Variants in BRI3 observed in about 807,000 individuals in gnomAD.
BRI3 encodes brain protein I3, also known as membrane protein BRI3.
In BRI3, 6 loss-of-function variants were observed where a neutral mutation model predicts 12.8. That is an observed-to-expected ratio of 0.47 (90% confidence interval 0.26 to 0.93). The LOEUF is 0.93. Ranked by LOEUF, BRI3 falls within the 40% of genes least tolerant of loss-of-function variation. BRI3 has a pLI of 0.15. For synonymous variants in BRI3, 91 were observed against 76.1 expected (o/e 1.20, Z -1.02); for missense variants, 134 against 171.1 (o/e 0.78, Z 1.21).
chr7:98,293,557 A>C (rs1218702529), downstream of BRI3: 2 of 1,613,776 alleles, frequency 1.2e-6, no homozygotes, highest in Non-Finnish European at 1.7e-6. Context: ...CATTCGTCAC[A>C]GTCGGGCGGA....
rs1009699057 is a variant in BRI3, at chr7:98,284,573, T to C, written c.245+2120T>C. On this transcript the variant is annotated intron_variant, in intron 2 of 2. Transcript: ENST00000297290. ...CCCGGGAGACAGGATACCACTCACA[T>C]GACCACACTTCCTCCTGCCCCAGGT... 7.2e-5 allele frequency among the ~76,000 whole-genome samples: 11 copies of C among 152,192 alleles called. No homozygotes were observed. The East Asian group carries it at 1.2e-3, about 16-fold the overall frequency.
At chr7:98,308,649 G>A (rs1800754576) in exon 2 of BRI3, 2 of 220,776 alleles carry the variant, frequency 9.1e-6, no homozygotes. Flanking sequence ...CCACTCCAGG[G>A]GAAAAAAGGT....
At chr7:98,291,583 C>A (rs2116754602), downstream of BRI3, 1 of 1,047,080 alleles carries the variant, frequency 9.6e-7, no homozygotes, top group Non-Finnish European at 1.2e-6. Context: ...TGGAACGACA[C>A]CCCCATCGCT....
the BRI3 span, among the ~76,000 whole-genome samples, chr7:98,319,365 C>T: frequency 7.2e-5 from 11 of 152,142 alleles, 1 homozygote; most frequent in South Asian, 4.1e-4. Flanking sequence ...CAGGGCACAC[C>T]GGGAGCCCCG....
At chr7:98,293,417 C>A, downstream of BRI3, 8 of 1,059,708 alleles carry the variant, frequency 7.5e-6, no homozygotes, top group Non-Finnish European at 1.2e-5. Flanking sequence ...AGAGTTAGGC[C>A]TCTCCACTGA....
rs77995324 is a variant in BRI3 at position 98,308,182 on chromosome 7, T to A, written n.812T>A. The A allele has an allele frequency of 8.8e-3, 5,096 of 579,586 alleles. 200 individuals carry two copies. Among genetic ancestry groups the A allele is most frequent in the African/African-American group, 0.084 (4,594 of 54,438 alleles). The allele number at this position is 579,586 out of a possible 1,614,324, so 35.9% of individuals were successfully genotyped here. On this transcript the variant is annotated non_coding_transcript_exon_variant, in exon 2 of 2. Coordinates refer to the BRI3 transcript ENST00000485422. ...CAAGGACAAGGCGGTGTGTGCCGGG[T>A]TGATCTGCACTGCTTTAGCCAGGAT...
downstream of BRI3, chr7:98,292,629 C>T (rs181990452): frequency 8.0e-3 from 12,463 of 1,551,578 alleles, 105 homozygotes; most frequent in South Asian, 0.023. Context: ...AAAAACCCGC[C>T]CTTCTCCAGG....
chr7:98,283,597 G>A (rs1273714049), intron 2 of BRI3, among the ~76,000 whole-genome samples: 1 of 152,166 alleles, frequency 6.6e-6, no homozygotes, highest in Non-Finnish European at 1.5e-5. Flanking sequence ...GAGCTGCACC[G>A]GGTTGGGGGG....
At chr7:98,321,656 A>T in the BRI3 span, among the ~76,000 whole-genome samples, 1 of 152,208 alleles carries the variant, frequency 6.6e-6, no homozygotes, top group Non-Finnish European at 1.5e-5. Flanking sequence ...TATCTGCAGG[A>T]ACCAAACGGG....
chr7:98,283,227 C>T (rs1042482402), intron 2 of BRI3, among the ~76,000 whole-genome samples: 1 of 151,844 alleles, frequency 6.6e-6, no homozygotes, highest in East Asian at 1.9e-4. Context: ...TCAGCTGTGT[C>T]TCGGAGGAGG....
At chr7:98,293,363 C>T (rs756148719), downstream of BRI3, 4 of 657,222 alleles carry the variant, frequency 6.1e-6, no homozygotes, top group African/African-American at 1.8e-5. Flanking sequence ...GTCAACCCAA[C>T]TACGTGAAAC....
At chr7:98,307,918 T>C (rs1262119094) in exon 2 of BRI3, 1 of 1,611,660 alleles carries the variant, frequency 6.2e-7, no homozygotes, top group Non-Finnish European at 8.5e-7. Flanking sequence ...AGTGTAGCAG[T>C]AATGGCTTTT....
chr7:98,283,527 T>C lies in BRI3; in HGVS notation c.245+1074T>C, dbSNP rs12531593. Among the ~76,000 whole-genome samples the C allele has an allele frequency of 2.3e-4, 31 of 137,550 alleles. No homozygotes were observed. In the Admixed American group the frequency reaches 2.3e-3, roughly 10 times the overall value. The allele number at this position is 137,550 out of a possible 152,430, so 90.2% of individuals were successfully genotyped here. A position where few individuals can be genotyped will look rare whatever the true frequency, so the allele number is the denominator to read the frequency against. On this transcript the variant is annotated intron_variant, in intron 2 of 2. Transcript: ENST00000297290. ...CCAGCAGAAACATTAGCCTTTGGAG[T>C]GAAGGTGGAGGGAGGGCAGGGTGGG...
the BRI3 span, among the ~76,000 whole-genome samples, chr7:98,319,281 T>C: frequency 1.3e-5 from 2 of 152,168 alleles, no homozygotes; most frequent in Non-Finnish European, 2.9e-5. Flanking sequence ...GAAGGGGACC[T>C]GGATAAACCT....
At chr7:98,298,678 G>T (rs781168215) in intron 1 of BRI3, among the ~76,000 whole-genome samples, 1 of 152,142 alleles carries the variant, frequency 6.6e-6, no homozygotes, top group South Asian at 2.1e-4. Context: ...TTTGGCCTGG[G>T]ATATAACACA....
intron 1 of BRI3, 116 bp from the exon 2 acceptor site, chr7:98,282,234 TG>T: frequency 1.0e-6 from 1 of 959,418 alleles, no homozygotes; most frequent in Non-Finnish European, 1.6e-6. Flanking sequence ...GTCCCGAGGG[TG>T]GAAAAGACCG....
intron 2 of BRI3, among the ~76,000 whole-genome samples, chr7:98,287,686 T>C (rs954422306): frequency 3.9e-5 from 6 of 152,104 alleles, no homozygotes; most frequent in African/African-American, 1.4e-4. Flanking sequence ...TGGGTCTGGA[T>C]GGAGAATTAG....
exon 2 of BRI3, chr7:98,310,223 T>A (rs1458494807): frequency 3.9e-6 from 2 of 510,770 alleles, no homozygotes; most frequent in Non-Finnish European, 6.8e-6. Flanking sequence ...TGCGTAGAAC[T>A]GGTAAATGTC....
At chr7:98,289,735 C>T (rs1215947916) in intron 2 of BRI3, among the ~76,000 whole-genome samples, 1 of 152,238 alleles carries the variant, frequency 6.6e-6, no homozygotes, top group Non-Finnish European at 1.5e-5. Context: ...CTCATTTGGG[C>T]TGAGCTGGCT....
Sources: gnomAD v4.1 joint callset for allele counts (sites outside exome capture counted in the v4.1 genomes callset) on GRCh38, gnomAD v4.1.1 for gene constraint, MANE v1.5 for transcripts, NCBI Gene and HGNC (gene_info 2026-07-23, HGNC 2026-07-21) for gene names.